NCOA2: variants seen among roughly 807,000 people sequenced by gnomAD.
NCOA2 encodes the protein nuclear receptor coactivator 2.
In NCOA2, 21 loss-of-function variants were observed where a neutral mutation model predicts 145.1. The observed-to-expected ratio is 0.14, with a 90% confidence interval of 0.10 to 0.21. The LOEUF (loss-of-function observed/expected upper bound fraction) is 0.21, where lower values mean the gene tolerates loss of function less well. Ranked by LOEUF, NCOA2 falls within the 10% of genes least tolerant of loss-of-function variation. The probability of loss-of-function intolerance (pLI) is 1.00; values close to 1 mark genes in which losing one functional copy is unlikely to be tolerated. For synonymous variants in NCOA2, 619 were observed against 637.5 expected, an observed-to-expected ratio of 0.97 and a Z score of 0.44; for missense variants, 1,472 against 1,837.6, an observed-to-expected ratio of 0.80 and a Z score of 3.64.
intron 21 of NCOA2, among the ~76,000 whole-genome samples, chr8:70,123,646 G>C (rs1808078769): frequency 6.6e-6 from 1 of 151,946 alleles, no homozygotes; most frequent in African/African-American, 2.4e-5. Context: ...TCAATGATAA[G>C]AAAGTTACAA....
chr8:70,246,793 ATAAG>A (rs904523215), intron 2 of NCOA2, among the ~76,000 whole-genome samples: 1 of 152,150 alleles, frequency 6.6e-6, no homozygotes, highest in Non-Finnish European at 1.5e-5. Context: ...GATACCTCAT[ATAAG>A]TGGAATCATA....
At chr8:70,276,067 A>G (rs1051242911) in intron 2 of NCOA2, among the ~76,000 whole-genome samples, 1 of 152,210 alleles carries the variant, frequency 6.6e-6, no homozygotes, top group African/African-American at 2.4e-5. Flanking sequence ...ACATATTTCA[A>G]TATTTGCTGT....
At chr8:70,397,172 G>T (rs1426847596) in intron 1 of NCOA2, among the ~76,000 whole-genome samples, 1 of 152,148 alleles carries the variant, frequency 6.6e-6, no homozygotes, top group East Asian at 1.9e-4. Context: ...TCAAGAGCAA[G>T]AATGGGCCAG....
At chr8:70,358,250 G>T (rs1015997479) in intron 1 of NCOA2, among the ~76,000 whole-genome samples, 1 of 152,098 alleles carries the variant, frequency 6.6e-6, no homozygotes, top group African/African-American at 2.4e-5. Context: ...TAATAGAAAT[G>T]AGAGCCAACC....
chr8:70,381,119 T>C (rs1176125745), intron 1 of NCOA2, among the ~76,000 whole-genome samples: 1 of 151,860 alleles, frequency 6.6e-6, no homozygotes, highest in African/African-American at 2.4e-5. Flanking sequence ...ATCTGGGACT[T>C]GCCTCAAAAC....
At chr8:70,436,054 A>G in the NCOA2 span, among the ~76,000 whole-genome samples, 2 of 152,212 alleles carry the variant, frequency 1.3e-5, no homozygotes, top group Admixed American at 1.3e-4. Flanking sequence ...GTTTTATTCA[A>G]CTGTGTTTAA....
intron 15 of NCOA2, among the ~76,000 whole-genome samples, chr8:70,137,371 C>G (rs1809853929): frequency 6.6e-6 from 1 of 152,204 alleles, no homozygotes; most frequent in South Asian, 2.1e-4. Flanking sequence ...AACTCTCCTC[C>G]TGTTTGGGCA....
chr8:70,296,492 G>T (rs185339855), intron 2 of NCOA2, among the ~76,000 whole-genome samples: 1 of 152,052 alleles, frequency 6.6e-6, no homozygotes, highest in Non-Finnish European at 1.5e-5. Flanking sequence ...CATCCAATGG[G>T]TATAATGTAA....
At chr8:70,130,059 G>T (rs753653744) in intron 16 of NCOA2, among the ~76,000 whole-genome samples, 113 of 152,278 alleles carry the variant, frequency 7.4e-4, no homozygotes, top group African/African-American at 2.4e-3. Flanking sequence ...CCTGAGCTCT[G>T]ATCAGCACAG....
At chr8:70,302,825 A>G (rs1827612839) in intron 1 of NCOA2, among the ~76,000 whole-genome samples, 1 of 152,202 alleles carries the variant, frequency 6.6e-6, no homozygotes, top group Non-Finnish European at 1.5e-5. Flanking sequence ...ATGTAAAAAA[A>G]ATTCATAGGC....
chr8:70,315,412 T>C (rs941676301), intron 1 of NCOA2, among the ~76,000 whole-genome samples: 4 of 152,216 alleles, frequency 2.6e-5, no homozygotes, highest in African/African-American at 7.2e-5. Context: ...TTCTTTCATG[T>C]CCACGCCTTC....
Position 70,111,969 on chromosome 8 carries a change from A to G in NCOA2, c.*1663T>C, listed in dbSNP as rs922882943. On this transcript the variant is annotated 3_prime_UTR_variant, in exon 23 of 23. Transcript: ENST00000452400. Reference sequence around the variant, plus strand: ...CAAAAAAGGTCATCAGTTTCTTGGTATTGGAGTTGTCTGAAACTGACACCT... The same window carrying G: ...CAAAAAAGGTCATCAGTTTCTTGGTGTTGGAGTTGTCTGAAACTGACACCT... 1 of 221,328 alleles carries G rather than the reference A, an allele frequency of 4.5e-6. No individual in the cohort carries two copies. Among genetic ancestry groups the G allele is most frequent in the African/African-American group, 2.2e-5 (1 of 44,688 alleles). The allele number at this position is 221,328 out of a possible 1,614,324, so 13.7% of individuals were successfully genotyped here. A position where few individuals can be genotyped will look rare whatever the true frequency, so the allele number is the denominator to read the frequency against.
intron 1 of NCOA2, among the ~76,000 whole-genome samples, chr8:70,397,203 A>G (rs1813748840): frequency 6.6e-6 from 1 of 152,204 alleles, no homozygotes; most frequent in Non-Finnish European, 1.5e-5. Flanking sequence ...TCATGCCTGT[A>G]ATCTTAGCAC....
At chr8:70,397,928 CT>C (rs1422429903) in intron 1 of NCOA2, among the ~76,000 whole-genome samples, 7 of 152,126 alleles carry the variant, frequency 4.6e-5, no homozygotes, top group Non-Finnish European at 1.5e-5. Context: ...AAGAACAGAT[CT>C]TTAGTACTAA....
chr8:70,309,179 C>T (rs1828113385), intron 1 of NCOA2, among the ~76,000 whole-genome samples: 1 of 152,074 alleles, frequency 6.6e-6, no homozygotes, highest in Non-Finnish European at 1.5e-5. Flanking sequence ...TCTATTATAG[C>T]CCCTGACAGT....
At chr8:70,212,785 CA>C (rs1819179936) in intron 4 of NCOA2, among the ~76,000 whole-genome samples, 1 of 151,932 alleles carries the variant, frequency 6.6e-6, no homozygotes, top group Non-Finnish European at 1.5e-5. Flanking sequence ...AGGATGCATT[CA>C]AAAACAGATT....
At chr8:70,115,234 T>A (rs752540104) in intron 22 of NCOA2, among the ~76,000 whole-genome samples, 1 of 152,160 alleles carries the variant, frequency 6.6e-6, no homozygotes, top group Non-Finnish European at 1.5e-5. Flanking sequence ...CACTGCAACC[T>A]CTGCCTCCCA....
intron 1 of NCOA2, among the ~76,000 whole-genome samples, chr8:70,333,152 A>G (rs1351695683): frequency 6.6e-6 from 1 of 152,170 alleles, no homozygotes; most frequent in Non-Finnish European, 1.5e-5. Flanking sequence ...TGCAGCATTT[A>G]TCAAAGAGCT....
intron 14 of NCOA2, among the ~76,000 whole-genome samples, chr8:70,140,286 TCCTGGC>T (rs1410553974): frequency 5.9e-5 from 9 of 152,156 alleles, no homozygotes; most frequent in African/African-American, 2.2e-4. Flanking sequence ...TCCCCACAAC[TCCTGGC>T]CCTAGGTAAC....
Sources: gnomAD v4.1 joint callset for allele counts (sites outside exome capture counted in the v4.1 genomes callset) on GRCh38, gnomAD v4.1.1 for gene constraint, MANE v1.5 for transcripts, NCBI Gene and HGNC (gene_info 2026-07-23, HGNC 2026-07-21) for gene names.